Variants in TBXAS1 observed in about 807,000 individuals in gnomAD.
TBXAS1 encodes thromboxane-A synthase.
Under a neutral mutation model 60.7 loss-of-function variants are expected in TBXAS1, and 48 were observed. The observed-to-expected ratio is 0.79, with a 90% CI of 0.63 to 1.01. The LOEUF (loss-of-function observed/expected upper bound fraction) is 1.01, where lower values mean the gene tolerates loss of function less well. Among genes scored for constraint, TBXAS1 ranks in the 50% least tolerant of loss-of-function variants. TBXAS1 has a pLI of 0.00. For missense variants in TBXAS1, 685 were observed against 686.3 expected (o/e 1.00, Z 0.02); for synonymous variants, 287 against 269.7 (o/e 1.06, Z -0.63).
At chr7:139,992,118 C>T (rs555867745) in intron 9 of TBXAS1, among the ~76,000 whole-genome samples, 2 of 152,352 alleles carry the variant, frequency 1.3e-5, no homozygotes, top group African/African-American at 4.8e-5. Context: ...TGCCAGTTCT[C>T]CCTTGAGAGG....
intron 9 of TBXAS1, among the ~76,000 whole-genome samples, chr7:139,993,804 C>A (rs543555382): frequency 6.6e-6 from 1 of 152,172 alleles, no homozygotes; most frequent in African/African-American, 2.4e-5. Context: ...GTCACTTCAC[C>A]TCTCTGGGCT....
intron 5 of TBXAS1, among the ~76,000 whole-genome samples, chr7:139,940,717 T>C (rs1024059406): frequency 6.6e-6 from 1 of 152,226 alleles, no homozygotes; most frequent in African/African-American, 2.4e-5. Context: ...TTCTGCTAGA[T>C]GGATGCTTCA....
At chr7:139,853,825 G>A (rs1800392797) in intron 1 of TBXAS1, among the ~76,000 whole-genome samples, 2 of 152,288 alleles carry the variant, frequency 1.3e-5, no homozygotes, top group South Asian at 4.1e-4. Context: ...ACGTAGACAG[G>A]ATTAGATTCC....
At chr7:139,976,323 C>G (rs1263324715) in intron 9 of TBXAS1, among the ~76,000 whole-genome samples, 2 of 152,142 alleles carry the variant, frequency 1.3e-5, no homozygotes, top group Non-Finnish European at 2.9e-5. Context: ...TGGTTGGGAG[C>G]CGGGGGACAG....
At chr7:139,890,503 C>A (rs1192284698) in intron 3 of TBXAS1, among the ~76,000 whole-genome samples, 1 of 152,158 alleles carries the variant, frequency 6.6e-6, no homozygotes, top group Non-Finnish European at 1.5e-5. Flanking sequence ...GCGTGAGCCA[C>A]CGCGCCCGGC....
chr7:139,819,789 C>T (rs769920195), intron 4 of TBXAS1, among the ~76,000 whole-genome samples: 1 of 152,066 alleles, frequency 6.6e-6, no homozygotes, highest in Non-Finnish European at 1.5e-5. Flanking sequence ...AGGTATGAGC[C>T]ACCACTCTCA....
At chr7:139,809,422 G>T (rs1460721742) in intron 4 of TBXAS1, among the ~76,000 whole-genome samples, 4 of 152,250 alleles carry the variant, frequency 2.6e-5, no homozygotes, top group Admixed American at 6.5e-5. Flanking sequence ...TAGGTAGATA[G>T]AGATAGAGAG....
intron 3 of TBXAS1, among the ~76,000 whole-genome samples, chr7:139,885,904 C>T (rs1803058160): frequency 6.6e-6 from 1 of 152,216 alleles, no homozygotes; most frequent in Admixed American, 6.5e-5. Context: ...AAAAGTCACA[C>T]ACCACCGCAT....
chr7:139,864,634 T>A (rs1243645363), intron 1 of TBXAS1, among the ~76,000 whole-genome samples: 1 of 150,886 alleles, frequency 6.6e-6, no homozygotes, highest in Non-Finnish European at 1.5e-5. Context: ...ACAAAGAGTG[T>A]GATTTAGAGT....
intron 1 of TBXAS1, among the ~76,000 whole-genome samples, chr7:139,848,524 G>A (rs1438344705): frequency 6.6e-6 from 1 of 152,064 alleles, no homozygotes; most frequent in Non-Finnish European, 1.5e-5. Context: ...TTTTTCTCAT[G>A]GTCTGTATGT....
intron 4 of TBXAS1, among the ~76,000 whole-genome samples, chr7:139,930,001 C>T (rs1253241567): frequency 6.6e-6 from 1 of 152,174 alleles, no homozygotes; most frequent in Non-Finnish European, 1.5e-5. Flanking sequence ...ACAAATCCTA[C>T]CAAGATTCTG....
chr7:139,816,320 C>T (rs1234211209), intron 4 of TBXAS1, among the ~76,000 whole-genome samples: 3 of 152,088 alleles, frequency 2.0e-5, no homozygotes, highest in Non-Finnish European at 4.4e-5. Context: ...CAGGGTCTCT[C>T]CTGGGGGACA....
chr7:140,019,238 T>C (rs1815340573), intron 12 of TBXAS1, among the ~76,000 whole-genome samples: 1 of 152,112 alleles, frequency 6.6e-6, no homozygotes, highest in Admixed American at 6.5e-5. Flanking sequence ...ATCCACATAC[T>C]CTGGGCTGGA....
chr7:139,962,551 A>G (rs766040771), intron 9 of TBXAS1: 121 of 361,378 alleles, frequency 3.3e-4, no homozygotes, highest in Non-Finnish European at 6.2e-4. Context: ...ATGGGGAAGG[A>G]GTCATGGCTT....
chr7:139,992,162 C>A (rs2117605232), intron 9 of TBXAS1, among the ~76,000 whole-genome samples: 1 of 152,338 alleles, frequency 6.6e-6, no homozygotes, highest in Admixed American at 6.5e-5. Context: ...CAGCTGGCAG[C>A]CCCCCTTCAC....
chr7:139,890,576 G>C (rs1035917410), intron 3 of TBXAS1, among the ~76,000 whole-genome samples: 7 of 152,156 alleles, frequency 4.6e-5, no homozygotes, highest in South Asian at 4.1e-4. Context: ...TTGGGACTAG[G>C]ATATGGAGAA....
chr7:139,893,044 T>C (rs1010246230), intron 3 of TBXAS1, among the ~76,000 whole-genome samples: 3 of 152,160 alleles, frequency 2.0e-5, no homozygotes, highest in African/African-American at 7.2e-5. Context: ...TATTATTTTT[T>C]CCCTGCCTCT....
chr7:139,868,659 T>C (rs1801605655), intron 1 of TBXAS1, among the ~76,000 whole-genome samples: 1 of 148,746 alleles, frequency 6.7e-6, no homozygotes, highest in South Asian at 2.1e-4. Context: ...AATATTTTTT[T>C]TTTTTTTTTT....
intron 4 of TBXAS1, among the ~76,000 whole-genome samples, chr7:139,927,151 C>G (rs752697758): frequency 6.7e-6 from 1 of 149,780 alleles, no homozygotes; most frequent in African/African-American, 2.5e-5. Flanking sequence ...TGCACCACCA[C>G]GCCCGGCTAT....
Sources: allele counts gnomAD v4.1 joint callset (sites outside exome capture counted in the v4.1 genomes callset), GRCh38; gene constraint gnomAD v4.1.1; transcripts MANE v1.5; gene names NCBI Gene and HGNC (gene_info 2026-07-23, HGNC 2026-07-21).